ADAM18: variants seen among roughly 807,000 people sequenced by gnomAD.
ADAM18 encodes disintegrin and metalloproteinase domain-containing protein 18.
A neutral mutation model predicts 94.4 loss-of-function variants in ADAM18; 117 were observed. That is an observed-to-expected ratio of 1.24 (90% CI 1.07 to 1.45). The LOEUF (loss-of-function observed/expected upper bound fraction) is 1.45, where lower values mean the gene tolerates loss of function less well. ADAM18 is among the 40% of genes most tolerant of loss of function. The pLI, the probability that ADAM18 is intolerant of heterozygous loss-of-function variation, is 0.00. For missense variants in ADAM18, 936 were observed against 880.0 expected (o/e 1.06, Z -0.81); for synonymous variants, 327 against 291.6 (o/e 1.12, Z -1.24).
At position 39,637,664 on chromosome 8, in the gene ADAM18, A is replaced by G. The variant is rs375099212; in HGVS notation, c.788A>G (p.Tyr263Cys). Reference protein sequence around the residue: ...LQRFLAWKRDYLILRPHDIAY... With the variant: ...LQRFLAWKRDCLILRPHDIAY... ...AGATTTTTGGCATGGAAACGGGACT[A>G]TCTCATCCTACGGCCCCATGACATA... The change falls in exon 9 of 20, where the codon TAT becomes TGT. Residue 263 changes from tyrosine to cysteine, a missense_variant. Physicochemically the swap from Tyr to Cys is radical, Grantham distance 194. Transcript: ENST00000265707. 1.5e-5 allele frequency: 24 copies of G among 1,612,110 alleles called. No homozygotes were observed. The highest frequency in any genetic ancestry group is 1.7e-5 in the Non-Finnish European group (20 of 1,178,964).
At chr8:39,624,553 G>T (rs1330949641) in intron 6 of ADAM18, among the ~76,000 whole-genome samples, 1 of 152,138 alleles carries the variant, frequency 6.6e-6, no homozygotes, top group Non-Finnish European at 1.5e-5. Flanking sequence ...AGTAAAGTTT[G>T]TAGTGTGGTT....
rs71237188 is a variant in ADAM18, at chr8:39,701,117, C to CAAAAAAAAAA, written c.1903-5650_1903-5641dup. On this transcript the variant is annotated intron_variant, in intron 17 of 19. Transcript: ENST00000265707. ...TGGGCGACAGAGCAAGACTCTGTCT[C>CAAAAAAAAAA]AAAAAAAAAAAAAAAAAAAAAAAAA... is the stretch of plus-strand genomic sequence containing the variant. Among the ~76,000 whole-genome samples the CAAAAAAAAAA allele has an allele frequency of 4.9e-4, 17 of 34,560 alleles. 1 individual carries two copies. Among genetic ancestry groups the CAAAAAAAAAA allele is most frequent in the Admixed American group, 1.2e-3 (2 of 1,726 alleles). The allele number at this position is 34,560 out of a possible 152,430, so 22.7% of individuals were successfully genotyped here.
intron 18 of ADAM18, among the ~76,000 whole-genome samples, chr8:39,711,479 C>A (rs772206795): frequency 6.6e-6 from 1 of 151,880 alleles, no homozygotes; most frequent in Non-Finnish European, 1.5e-5. Flanking sequence ...ACTCAAACAC[C>A]TAAAGGAAAA....
intron 13 of ADAM18, among the ~76,000 whole-genome samples, chr8:39,664,964 T>C (rs939042388): frequency 6.6e-6 from 1 of 152,170 alleles, no homozygotes; most frequent in African/African-American, 2.4e-5. Context: ...TAATTTAATA[T>C]ACTAAAATTC....
At chr8:39,697,550 A>C (rs1821957738) in intron 17 of ADAM18, among the ~76,000 whole-genome samples, 1 of 151,798 alleles carries the variant, frequency 6.6e-6, no homozygotes, top group Admixed American at 6.6e-5. Flanking sequence ...TTTAAACATC[A>C]GAAACACAAT....
intron 17 of ADAM18, among the ~76,000 whole-genome samples, chr8:39,706,511 T>C (rs1822246010): frequency 6.6e-6 from 1 of 152,150 alleles, no homozygotes; most frequent in African/African-American, 2.4e-5. Flanking sequence ...ACTACAACTT[T>C]ATTAAATCTT....
chr8:39,679,275 G>T (rs1821377929), intron 15 of ADAM18, among the ~76,000 whole-genome samples: 1 of 152,070 alleles, frequency 6.6e-6, no homozygotes, highest in Non-Finnish European at 1.5e-5. Flanking sequence ...CAGATCAATG[G>T]CTAAAAATGA....
chr8:39,681,988 A>C (rs1472673397), intron 16 of ADAM18, among the ~76,000 whole-genome samples: 2 of 152,218 alleles, frequency 1.3e-5, no homozygotes, highest in Non-Finnish European at 2.9e-5. Flanking sequence ...TCCAGACAGC[A>C]AAAGATGCTA....
chr8:39,631,616 TC>T (rs1208051997), intron 7 of ADAM18, among the ~76,000 whole-genome samples: 2 of 152,024 alleles, frequency 1.3e-5, no homozygotes, highest in African/African-American at 4.8e-5. Flanking sequence ...TTTGGTTTTG[TC>T]CTTTTTCTAA....
chr8:39,613,447 C>G (rs1007243229), intron 6 of ADAM18, among the ~76,000 whole-genome samples: 1 of 152,146 alleles, frequency 6.6e-6, no homozygotes, highest in African/African-American at 2.4e-5. Context: ...GTCAAACTCT[C>G]AAAGCATCAA....
intron 7 of ADAM18, among the ~76,000 whole-genome samples, chr8:39,637,038 T>C (rs2882464): frequency 0.15 from 20,739 of 139,712 alleles, 1,996 homozygotes; most frequent in South Asian, 0.28. Context: ...TATATATATA[T>C]ATATATATAT....
rs148130296 is a variant in ADAM18 at position 39,648,379 on chromosome 8, G to A, written c.1082G>A (p.Ser361Asn). The A allele has an allele frequency of 6.2e-5, 99 of 1,606,118 alleles. No individual in the cohort carries two copies. The African/African-American group carries it at 1.2e-3, about 19-fold the overall frequency. The change falls in exon 12 of 20, where the codon AGC (serine) becomes AAC (asparagine). Residue 361 changes from serine (S) to asparagine (N), a missense_variant. Ser to Asn is a conservative substitution (Grantham distance 46). Transcript: ENST00000265707. Reference sequence around the variant, plus strand: ...GGTAGAAAGATTTTTAGCAACTGCAGCATGCACGACTATAGATATTTTGTT... The same window carrying A: ...GGTAGAAAGATTTTTAGCAACTGCAACATGCACGACTATAGATATTTTGTT... The part of the protein sequence containing the change: ...ASGRKIFSNC[S>N]MHDYRYFVSK...
intron 10 of ADAM18, among the ~76,000 whole-genome samples, chr8:39,644,357 A>G (rs923895800): frequency 5.3e-5 from 8 of 152,068 alleles, no homozygotes; most frequent in Middle Eastern, 3.2e-3. Flanking sequence ...CAGTGGTGCA[A>G]TCAGCTCACT....
intron 18 of ADAM18, among the ~76,000 whole-genome samples, chr8:39,713,645 C>T (rs1039041540): frequency 6.6e-6 from 1 of 152,166 alleles, no homozygotes; most frequent in Admixed American, 6.5e-5. Flanking sequence ...TCAATAGACA[C>T]TTCTCAAAAG....
chr8:39,653,138 G>C (rs1037445445), intron 12 of ADAM18, among the ~76,000 whole-genome samples: 5 of 151,974 alleles, frequency 3.3e-5, no homozygotes, highest in African/African-American at 1.2e-4. Context: ...AAATTGCTAA[G>C]AAAGTAGATT....
At chr8:39,727,947 G>A (rs1229500123) in intron 19 of ADAM18, among the ~76,000 whole-genome samples, 1 of 152,156 alleles carries the variant, frequency 6.6e-6, no homozygotes, top group African/African-American at 2.4e-5. Flanking sequence ...AGTTCTGCAG[G>A]CTTTACAGGA....
chr8:39,660,172 GAGA>G (rs1391265503), intron 12 of ADAM18, among the ~76,000 whole-genome samples: 11 of 152,034 alleles, frequency 7.2e-5, no homozygotes, highest in African/African-American at 2.7e-4. Context: ...TAAACAACAA[GAGA>G]AGAAGAAAAG....
chr8:39,598,801 G>A (rs1053238020), intron 2 of ADAM18, among the ~76,000 whole-genome samples: 1 of 151,838 alleles, frequency 6.6e-6, no homozygotes, highest in Admixed American at 6.6e-5. Context: ...AAAAGAAAAG[G>A]GTGTTGGATT....
At chr8:39,601,862 C>T (rs1441468061) in intron 2 of ADAM18, among the ~76,000 whole-genome samples, 3 of 152,098 alleles carry the variant, frequency 2.0e-5, no homozygotes, top group Non-Finnish European at 2.9e-5. Flanking sequence ...AACCATCTTT[C>T]TACTTTTTGT....
Sources: gnomAD v4.1 joint callset for allele counts (sites outside exome capture counted in the v4.1 genomes callset) on GRCh38, gnomAD v4.1.1 for gene constraint, MANE v1.5 for transcripts, NCBI Gene and HGNC (gene_info 2026-07-23, HGNC 2026-07-21) for gene names.